Variants in LILRA2 observed in about 807,000 individuals in gnomAD.
LILRA2 encodes leukocyte immunoglobulin-like receptor subfamily A member 2.
In LILRA2, 45 loss-of-function variants were observed where a neutral mutation model predicts 47.9. That is an observed-to-expected ratio of 0.94 (90% confidence interval 0.74 to 1.20). LILRA2 has a LOEUF of 1.20. Among genes scored for constraint, LILRA2 ranks in the 50% most tolerant of loss-of-function variants. The pLI, the probability that LILRA2 is intolerant of heterozygous loss-of-function variation, is 0.00. For synonymous variants in LILRA2, 279 were observed against 249.2 expected, an observed-to-expected ratio of 1.12 and a Z score of -1.13; for missense variants, 651 against 598.2, an observed-to-expected ratio of 1.09 and a Z score of -0.92.
In LILRA2 at chr19:54,574,784, G is replaced by A. The variant is rs1306636856; in HGVS notation, c.406G>A (p.Gly136Arg). 6.2e-7 allele frequency: 1 copy of A among 1,614,270 alleles called. No individual in the cohort carries two copies. The highest frequency in any genetic ancestry group is 8.5e-7 in the Non-Finnish European group (1 of 1,180,036). Residue 136 changes from glycine to arginine, a missense_variant, in exon 4 of 8, where the codon GGA (glycine) becomes AGA (arginine). Transcript: ENST00000391738. ...SALPSPVVTS[G>R]GNVTLQCVSQ... ...TCTGCCCAGCCCTGTGGTGACCTCA[G>A]GAGGGAACGTGACCCTCCAGTGTGT...
In LILRA2 at chr19:54,587,253, G is replaced by A; in HGVS notation, c.1359G>A (p.Met453Ile). 1 of 1,614,134 alleles carries A rather than the reference G, an allele frequency of 6.2e-7. No homozygotes were observed. ...QDYTVENLIR[M>I]GVAGLVLVVL... The stretch of plus-strand genomic sequence containing the variant: ...ACACAGTGGAGAATCTCATCCGCAT[G>A]GGTGTGGCTGGCTTGGTCCTGGTGG... Residue 453 changes from methionine (M) to isoleucine (I), a missense_variant, in exon 8 of 8, where the codon ATG (methionine) becomes ATA (isoleucine). By Grantham distance (10) the Met-to-Ile change is conservative. Coordinates refer to ENST00000391738, the MANE Select transcript of LILRA2 (RefSeq NM_001130917.3).
chr19:54,582,285 C>T (rs1600228644), intron 6 of LILRA2, among the ~76,000 whole-genome samples: 1 of 152,262 alleles, frequency 6.6e-6, no homozygotes, highest in East Asian at 1.9e-4. Context: ...TGATGCTAGC[C>T]TCATAAAATG....
chr19:54,573,908 T>C lies in LILRA2; in HGVS notation c.30T>C (p.Cys10=), dbSNP rs770557921. The change falls in exon 1 of 8, where the codon TGT becomes TGC. Residue 10 remains cysteine, a synonymous_variant. Coordinates refer to ENST00000391738, the MANE Select transcript of LILRA2 (RefSeq NM_001130917.3). ...CCCCCATCCTCACGGTCCTGATCTG[T>C]CTCGGTGAGATTTGAAGAGGGAGGG... MTPILTVLI[C]LGLSLGPRTH... 1.3e-5 allele frequency: 21 copies of C among 1,614,052 alleles called. No homozygotes were observed. Among genetic ancestry groups the C allele is most frequent in the African/African-American group, 2.7e-5 (2 of 74,938 alleles).
At position 54,578,068 on chromosome 19, in the gene LILRA2, A is replaced by G. The variant is rs73612436; in HGVS notation, c.1255+1959A>G. ...GAATATTGTATGCTCATTTTAACTT[A>G]AAGAATTATTCAACATCTTTAACAA... On this transcript the variant is annotated intron_variant, in intron 6 of 7. Coordinates refer to ENST00000391738, the MANE Select transcript of LILRA2 (RefSeq NM_001130917.3). 8.1e-3 allele frequency among the ~76,000 whole-genome samples: 1,232 copies of G among 151,824 alleles called. 15 individuals are homozygous for G. The highest frequency in any genetic ancestry group is 0.028 in the African/African-American group (1,167 of 41,456).
intron 6 of LILRA2, among the ~76,000 whole-genome samples, chr19:54,582,958 G>A (rs1568521672): frequency 6.6e-6 from 1 of 152,204 alleles, no homozygotes; most frequent in Non-Finnish European, 1.5e-5. Context: ...ATGTGTCCCA[G>A]AGATTCTGTT....
rs73939012 is a variant in LILRA2 at position 54,587,853 on chromosome 19, T to C, written c.*507T>C. 1,093 of 158,660 alleles carry C rather than the reference T, an allele frequency of 6.9e-3. 5 individuals carry two copies. In the South Asian group the frequency reaches 0.076, roughly 11 times the overall value. 9.8% of individuals were successfully genotyped at this position (158,660 alleles called of 1,614,324 possible). ...GCTGCCCTGACACCCTCTCTGTACC[T>C]TATGAGCCCTTCCCTCTTTCTCAGA... On this transcript the variant is annotated 3_prime_UTR_variant, in exon 8 of 8. Coordinates refer to ENST00000391738, the MANE Select transcript of LILRA2 (RefSeq NM_001130917.3).
In LILRA2 at chr19:54,575,305, C is replaced by A. The variant is rs368741498; in HGVS notation, c.705C>A (p.Ala235=). ...SLSVQPGPMV[A]PGESLTLQCV... Reference sequence around the variant, plus strand: ...CAGTGCAGCCAGGTCCTATGGTGGCCCCTGGGGAGAGCCTGACCCTCCAGT... The same window carrying A: ...CAGTGCAGCCAGGTCCTATGGTGGCACCTGGGGAGAGCCTGACCCTCCAGT... The change falls in exon 5 of 8, where the codon GCC becomes GCA. Residue 235 remains alanine (A), a synonymous_variant. Coordinates refer to ENST00000391738, the MANE Select transcript of LILRA2 (RefSeq NM_001130917.3). 2.5e-6 allele frequency: 4 copies of A among 1,613,834 alleles called. No homozygotes were observed. The African/African-American group carries it at 5.3e-5, about 22-fold the overall frequency.
At chr19:54,586,756 T>TA in intron 6 of LILRA2, among the ~76,000 whole-genome samples, 1 of 152,248 alleles carries the variant, frequency 6.6e-6, no homozygotes, top group East Asian at 1.9e-4. Context: ...GGGGACCACT[T>TA]ACCATATCCA....
chr19:54,574,671 C>A, intron 3 of LILRA2, 60 bp from the exon 4 acceptor site: 1 of 1,601,612 alleles, frequency 6.2e-7, no homozygotes. Flanking sequence ...CACAGCTCAA[C>A]CCTGGGGATG....
intron 6 of LILRA2, among the ~76,000 whole-genome samples, chr19:54,576,943 C>T (rs906222676): frequency 6.6e-6 from 1 of 152,290 alleles, no homozygotes; most frequent in African/African-American, 2.4e-5. Context: ...TGCCCCAAAG[C>T]CCCTTCATTT....
intron 6 of LILRA2, among the ~76,000 whole-genome samples, chr19:54,584,854 A>G (rs773281955): frequency 4.0e-5 from 6 of 151,734 alleles, no homozygotes; most frequent in Non-Finnish European, 8.8e-5. Context: ...GAGAAGAGGC[A>G]CTCTGTTTTT....
chr19:54,585,425 T>C (rs1285561587), intron 6 of LILRA2, among the ~76,000 whole-genome samples: 3 of 152,216 alleles, frequency 2.0e-5, no homozygotes, highest in Admixed American at 6.5e-5. Context: ...CTTGCTGAGC[T>C]GTGGTGGGCT....
upstream of LILRA2, chr19:54,573,664 T>C (rs2062219673): frequency 1.3e-5 from 11 of 867,526 alleles, no homozygotes; most frequent in Admixed American, 1.1e-4. Flanking sequence ...GTCTGAAATG[T>C]CTGCAGAGGG....
upstream of LILRA2, chr19:54,573,415 G>C: frequency 1.0e-6 from 1 of 979,214 alleles, no homozygotes; most frequent in Non-Finnish European, 1.6e-6. Context: ...CATCTCCAGG[G>C]CTGGAGGGAC....
At chr19:54,578,222 T>C (rs922455055) in intron 6 of LILRA2, among the ~76,000 whole-genome samples, 2 of 152,166 alleles carry the variant, frequency 1.3e-5, no homozygotes. Flanking sequence ...GTTGGTTTGC[T>C]GCACCCATCA....
At chr19:54,578,433 T>C (rs1358875390) in intron 6 of LILRA2, among the ~76,000 whole-genome samples, 1 of 152,182 alleles carries the variant, frequency 6.6e-6, no homozygotes, top group Non-Finnish European at 1.5e-5. Context: ...GGTTCATCAA[T>C]GTCCCTGCAA....
intron 3 of LILRA2, 51 bp downstream of exon 3, chr19:54,574,633 G>A (rs367574178): frequency 8.1e-6 from 13 of 1,605,966 alleles, no homozygotes; most frequent in Admixed American, 1.7e-5. Context: ...TCAGGAAGGG[G>A]GTCGGCTCTC....
intron 6 of LILRA2, among the ~76,000 whole-genome samples, chr19:54,576,473 C>CAAA (rs1415845188): frequency 3.3e-5 from 5 of 150,778 alleles, no homozygotes; most frequent in African/African-American, 1.2e-4. Flanking sequence ...CCATGGGTGA[C>CAAA]AAAACCAGCC....
rs1235698992 is a variant in LILRA2, at chr19:54,576,477, ACCAGCC to A, written c.1255+369_1255+374del. Among the ~76,000 whole-genome samples the A allele has an allele frequency of 2.7e-3, 414 of 151,948 alleles. No homozygotes were observed. The South Asian group carries it at 0.059, about 22-fold the overall frequency. On this transcript the variant is annotated intron_variant, in intron 6 of 7. Coordinates refer to ENST00000391738, the MANE Select transcript of LILRA2 (RefSeq NM_001130917.3). ...ATGTCCTGACCCCATGGGTGACAAA[ACCAGCC>A]ACTCCCAGCTCAAGAGAAGTTTCTA...
Sources: allele counts gnomAD v4.1 joint callset (sites outside exome capture counted in the v4.1 genomes callset), GRCh38; gene constraint gnomAD v4.1.1; transcripts MANE v1.5; gene names NCBI Gene and HGNC (gene_info 2026-07-23, HGNC 2026-07-21).